The following VWA5B1 variants were observed in gnomAD, a reference collection of about 807,000 sequenced individuals.
VWA5B1 encodes von Willebrand factor A domain-containing protein 5B1.
In VWA5B1, 115 loss-of-function variants were observed where a neutral mutation model predicts 118.2. That is an observed-to-expected ratio of 0.97 (90% confidence interval 0.84 to 1.14). The LOEUF (loss-of-function observed/expected upper bound fraction) is 1.14, where lower values mean the gene tolerates loss of function less well. Among genes scored for constraint, VWA5B1 ranks in the 50% most tolerant of loss-of-function variants. The pLI is 0.00. For synonymous variants in VWA5B1, 682 were observed against 658.4 expected (o/e 1.04, Z -0.55); for missense variants, 1,596 against 1,603.8 (o/e 1.00, Z 0.08).
At chr1:20,294,576 T>C (rs532583652) in intron 1 of VWA5B1, among the ~76,000 whole-genome samples, 1 of 152,286 alleles carries the variant, frequency 6.6e-6, no homozygotes, top group East Asian at 1.9e-4. Flanking sequence ...GCCTCCCAGG[T>C]TCAAGCAATT....
In VWA5B1 at chr1:20,317,527, C is replaced by T. The variant is rs759333699; in HGVS notation, c.564-3C>T. ...TCCTTTCCTTCCCCCGGCCCTTTTC[C>T]AGCAAAGACAGGCACTGCTTCGGTG... On this transcript the variant is annotated splice_region_variant and splice_polypyrimidine_tract_variant and intron_variant, in intron 4 of 21. Coordinates refer to ENST00000289815, the MANE Select transcript of VWA5B1 (RefSeq NM_001039500.3). 3.9e-6 allele frequency: 6 copies of T among 1,551,190 alleles called. No homozygotes were observed. The highest frequency in any genetic ancestry group is 2.4e-5 in the East Asian group (1 of 40,910).
intron 1 of VWA5B1, among the ~76,000 whole-genome samples, chr1:20,294,984 C>T (rs768575717): frequency 6.6e-6 from 1 of 152,194 alleles, no homozygotes; most frequent in Non-Finnish European, 1.5e-5. Context: ...GTGCCACCCT[C>T]TAGAAGAGAA....
At position 20,354,429 on chromosome 1, in the gene VWA5B1, C is replaced by A; in HGVS notation, c.*166C>A. 1 of 883,382 alleles carries A rather than the reference C, an allele frequency of 1.1e-6. No individual in the cohort carries two copies. Among genetic ancestry groups the A allele is most frequent in the Non-Finnish European group, 1.7e-6 (1 of 598,220 alleles). The allele number at this position is 883,382 out of a possible 1,614,324, so 54.7% of individuals were successfully genotyped here. ...AGGCCTGAGTTCAATCCCAACTTTG[C>A]TACCATCCAGCCATGCAACTTTAGG... On this transcript the variant is annotated 3_prime_UTR_variant, in exon 22 of 22. Transcript: ENST00000289815.
rs556502327 is a variant in VWA5B1, at chr1:20,342,477, C to T, written c.2179C>T (p.Arg727Cys). The T allele has an allele frequency of 1.1e-4, 173 of 1,551,288 alleles. No homozygotes were observed. Among genetic ancestry groups the T allele is most frequent in the South Asian group, 1.7e-4 (14 of 84,054 alleles). The part of the protein sequence containing the change: ...GQDLNQGPKL[R>C]GPGARRPSLL... ...GGACCTGAACCAGGGCCCCAAACTCCGTGGCCCAGGGGCCCGAAGGCCCTC... is the reference window on the plus strand; with the variant it reads ...GGACCTGAACCAGGGCCCCAAACTCTGTGGCCCAGGGGCCCGAAGGCCCTC... Residue 727 changes from arginine to cysteine, a missense_variant, in exon 15 of 22, where the codon CGT becomes TGT. Coordinates refer to ENST00000289815, the MANE Select transcript of VWA5B1 (RefSeq NM_001039500.3).
At chr1:20,314,774 T>C (rs2088955010) in intron 4 of VWA5B1, among the ~76,000 whole-genome samples, 182 bp downstream of exon 4, 1 of 151,944 alleles carries the variant, frequency 6.6e-6, no homozygotes, top group African/African-American at 2.4e-5. Flanking sequence ...CTTAAAAGTA[T>C]CCCTGAAATG....
intron 1 of VWA5B1, among the ~76,000 whole-genome samples, chr1:20,294,731 A>G (rs2088372684): frequency 6.6e-6 from 1 of 152,110 alleles, no homozygotes; most frequent in African/African-American, 2.4e-5. Context: ...CTGAGATTAC[A>G]GGCATGCACC....
intron 11 of VWA5B1, among the ~76,000 whole-genome samples, chr1:20,331,668 G>C (rs2089558809): frequency 6.6e-6 from 1 of 151,996 alleles, no homozygotes; most frequent in Non-Finnish European, 1.5e-5. Flanking sequence ...ATCAAAGTCA[G>C]GGATGTGCTG....
At chr1:20,333,931 G>C (rs976693529) in intron 12 of VWA5B1, among the ~76,000 whole-genome samples, 8 of 152,194 alleles carry the variant, frequency 5.3e-5, no homozygotes, top group African/African-American at 1.9e-4. Context: ...TGAATGAAAT[G>C]GACTTGGTGT....
In VWA5B1 at chr1:20,352,103, C is replaced by T; in HGVS notation, c.3072C>T (p.Phe1024=). ...TACTGACGCGAGCAGCCAAGGGCTT[C>T]CTGAGCAAGCCACTGATCAAAGCTG... is the stretch of plus-strand genomic sequence containing the variant. ...SRLLTRAAKG[F]LSKPLIKAVE... Residue 1024 remains phenylalanine (F), a synonymous_variant, in exon 21 of 22, where the codon TTC becomes TTT. Coordinates refer to ENST00000289815, the MANE Select transcript of VWA5B1 (RefSeq NM_001039500.3). 6.4e-7 allele frequency: 1 copy of T among 1,551,296 alleles called. No individual in the cohort carries two copies. Among genetic ancestry groups the T allele is most frequent in the East Asian group, 2.4e-5 (1 of 40,914 alleles).
At position 20,330,348 on chromosome 1, in the gene VWA5B1, CT is replaced by C; in HGVS notation, c.1424del (p.Leu475ArgfsTer27). The C allele has an allele frequency of 6.4e-7, 1 of 1,551,794 alleles. No individual in the cohort carries two copies. Among genetic ancestry groups the C allele is most frequent in the African/African-American group, 1.4e-5 (1 of 73,174 alleles). On this transcript the variant is annotated frameshift_variant, in exon 10 of 22. Coordinates refer to ENST00000289815, the MANE Select transcript of VWA5B1 (RefSeq NM_001039500.3). LOFTEE classifies it high-confidence loss of function. ...DGAVNNTGKV[L>X]ELVRNHAFST... ...CGCTGTCAACAACACAGGGAAGGTG[CT>C]GGAGCTGGTGCGAAATCACGCCTTC...
At chr1:20,322,892 G>C (rs932082583) in intron 7 of VWA5B1, among the ~76,000 whole-genome samples, 2 of 152,144 alleles carry the variant, frequency 1.3e-5, no homozygotes, top group African/African-American at 4.8e-5. Flanking sequence ...TTAACAACGG[G>C]AGAGAATCGG....
At position 20,355,641 on chromosome 1, in the gene VWA5B1, G is replaced by A. The variant is rs955998892; in HGVS notation, c.*1378G>A. On this transcript the variant is annotated 3_prime_UTR_variant, in exon 22 of 22. Coordinates refer to ENST00000289815, the MANE Select transcript of VWA5B1 (RefSeq NM_001039500.3). ...GAAGCTTAGCTTATCAAACCAACTC[G>A]TGGGGTCCTGCGGGCTCTGGCGCAA... is the stretch of plus-strand genomic sequence containing the variant. 3.9e-5 allele frequency among the ~76,000 whole-genome samples: 6 copies of A among 152,198 alleles called. No individual in the cohort carries two copies. Among genetic ancestry groups the A allele is most frequent in the African/African-American group, 1.2e-4 (5 of 41,464 alleles).
intron 17 of VWA5B1, among the ~76,000 whole-genome samples, chr1:20,347,542 T>A (rs961061495): frequency 9.9e-5 from 15 of 152,090 alleles, no homozygotes; most frequent in African/African-American, 3.6e-4. Context: ...TGGACTCAAG[T>A]GATCCTCTCA....
In VWA5B1 at chr1:20,310,839, C is replaced by T. The variant is rs1052128360; in HGVS notation, c.139+99C>T. The stretch of plus-strand genomic sequence containing the variant: ...GCTGACTGACCTTAGGCAAGTCATG[C>T]CACCCCTCCGAGTCTGTTTCCTCAT... On this transcript the variant is annotated intron_variant, in intron 2 of 21. Transcript: ENST00000289815. The T allele has an allele frequency of 4.0e-5, 55 of 1,386,316 alleles. No individual in the cohort carries two copies. The African/African-American group carries it at 7.3e-4, about 18-fold the overall frequency. The allele number at this position is 1,386,316 out of a possible 1,614,324, so 85.9% of individuals were successfully genotyped here.
At position 20,308,106 on chromosome 1, in the gene VWA5B1, A is replaced by T. The variant is rs967333338; in HGVS notation, c.-26-2470A>T. On this transcript the variant is annotated intron_variant, in intron 1 of 21. Transcript: ENST00000289815. ...CATGAGTATACAAAGTTAAGCTCTC[A>T]CTTACAAGTGAGAACATGGGGTTTT... Among the ~76,000 whole-genome samples the T allele has an allele frequency of 3.9e-4, 59 of 152,278 alleles. 1 individual carries two copies. The highest frequency in any genetic ancestry group is 1.4e-3 in the African/African-American group (58 of 41,544).
rs78832886 is a variant in VWA5B1 at position 20,291,164 on chromosome 1, G to A, written c.-27+76G>A. 0.064 allele frequency: 7,979 copies of A among 123,920 alleles called. 280 individuals carry two copies. The highest frequency in any genetic ancestry group is 0.08 in the South Asian group (308 of 3,828). 7.7% of individuals were successfully genotyped at this position (123,920 alleles called of 1,614,324 possible). On this transcript the variant is annotated intron_variant, in intron 1 of 21. Coordinates refer to ENST00000289815, the MANE Select transcript of VWA5B1 (RefSeq NM_001039500.3). ...GCTCTGGGTGGGCAAGGGCATGCAT[G>A]AGTGTGTGTGTGTATGTGTGTGTGT... is the stretch of plus-strand genomic sequence containing the variant.
chr1:20,336,562 T>C, intron 13 of VWA5B1, 76 bp downstream of exon 13: 2 of 1,278,448 alleles, frequency 1.6e-6, no homozygotes, highest in Non-Finnish European at 2.0e-6. Context: ...AAAAACCACC[T>C]CATTGAATAG....
At chr1:20,352,745 G>A (rs998258322) in intron 21 of VWA5B1, among the ~76,000 whole-genome samples, 1 of 152,198 alleles carries the variant, frequency 6.6e-6, no homozygotes, top group African/African-American at 2.4e-5. Flanking sequence ...AGCACAGTTT[G>A]AGCATCACTG....
intron 1 of VWA5B1, among the ~76,000 whole-genome samples, chr1:20,300,869 G>A (rs866086702): frequency 6.6e-5 from 10 of 152,306 alleles, no homozygotes; most frequent in Middle Eastern, 3.4e-3. Flanking sequence ...GCTGTGCTCC[G>A]TCCAGGCCCA....
Sources: gnomAD v4.1 joint callset for allele counts (sites outside exome capture counted in the v4.1 genomes callset) on GRCh38, gnomAD v4.1.1 for gene constraint, MANE v1.5 for transcripts, NCBI Gene and HGNC (gene_info 2026-07-23, HGNC 2026-07-21) for gene names.